RAB27A: variants seen among roughly 807,000 people sequenced by gnomAD.
The protein encoded by RAB27A is RAB27A, member RAS oncogene family.
RAB27A carries 17 observed loss-of-function variants against 20.8 expected under a neutral mutation model. The observed-to-expected ratio is 0.82, with a 90% CI of 0.56 to 1.23. The LOEUF (loss-of-function observed/expected upper bound fraction) is 1.23. Among genes scored for constraint, RAB27A ranks in the 50% most tolerant of loss-of-function variants. The probability of loss-of-function intolerance (pLI) is 0.00; values close to 1 mark genes in which losing one functional copy is unlikely to be tolerated. For synonymous variants in RAB27A, 85 were observed against 92.8 expected (o/e 0.92, Z 0.48); for missense variants, 277 against 266.7 (o/e 1.04, Z -0.27).
chr15:55,246,602 T>C (rs188806830), intron 2 of RAB27A, among the ~76,000 whole-genome samples: 77 of 149,432 alleles, frequency 5.2e-4, no homozygotes, highest in East Asian at 2.4e-3. Flanking sequence ...TCCATAGATA[T>C]AGGGTAATAG....
Position 55,295,537 on chromosome 15 carries a change from CAT to C in RAB27A, c.-112+18500_-112+18501del, listed in dbSNP as rs1313233359. Among the ~76,000 whole-genome samples, 7 of 152,310 alleles carry C rather than the reference CAT, an allele frequency of 4.6e-5. No homozygotes were observed. The East Asian group carries it at 1.4e-3, about 29-fold the overall frequency. ...CATAAAGAGGAATAAAGTATTGATA[CAT>C]GTTACAACGTGGATGAACTTCAAAA... On this transcript the variant is annotated intron_variant, in intron 2 of 5. Coordinates refer to the RAB27A transcript ENST00000563262.
chr15:55,270,654 G>A (rs1314184543), intron 1 of RAB27A: 1 of 152,132 alleles, frequency 6.6e-6, no homozygotes, highest in Non-Finnish European at 1.5e-5. Flanking sequence ...GGCCCTTAAA[G>A]GTTATATTCA....
At chr15:55,293,012 G>A (rs111286451), upstream of RAB27A, among the ~76,000 whole-genome samples, 25 of 152,236 alleles carry the variant, frequency 1.6e-4, no homozygotes, top group African/African-American at 4.1e-4. Flanking sequence ...AACACATCTC[G>A]TGTGTCAGTT....
rs1308691707 is a variant in RAB27A, at chr15:55,205,488, A to G, written c.*19T>C. 1 of 1,609,944 alleles carries G rather than the reference A, an allele frequency of 6.2e-7. No individual in the cohort carries two copies. Among genetic ancestry groups the G allele is most frequent in the East Asian group, 2.2e-5 (1 of 44,854 alleles). On this transcript the variant is annotated 3_prime_UTR_variant, in exon 7 of 7. Coordinates refer to ENST00000336787, the MANE Select transcript of RAB27A (RefSeq NM_183235.3). ...CCAGGCATGGGCCACCTGAACTACTATGTCGCTTACTTGACTTCTCAACAG... is the reference window on the plus strand; with the variant it reads ...CCAGGCATGGGCCACCTGAACTACTGTGTCGCTTACTTGACTTCTCAACAG...
At chr15:55,308,090 C>T (rs1173506164) in intron 2 of RAB27A, among the ~76,000 whole-genome samples, 1 of 152,090 alleles carries the variant, frequency 6.6e-6, no homozygotes, top group East Asian at 1.9e-4. Flanking sequence ...AGGGGATTAC[C>T]CCATACTACG....
At chr15:55,295,955 G>A (rs117457472) in intron 2 of RAB27A, among the ~76,000 whole-genome samples, 7,059 of 150,300 alleles carry the variant, frequency 0.047, 241 homozygotes, top group Non-Finnish European at 0.067. Flanking sequence ...AGAGTGCAGC[G>A]GTGTGACCTC....
chr15:55,214,272 TA>T (rs1164795479), intron 6 of RAB27A, among the ~76,000 whole-genome samples: 1 of 152,156 alleles, frequency 6.6e-6, no homozygotes. Context: ...CCGTCTCTAC[TA>T]AAAATACAAA....
At chr15:55,303,079 A>G (rs1595755639) in intron 2 of RAB27A, among the ~76,000 whole-genome samples, 2 of 115,498 alleles carry the variant, frequency 1.7e-5, no homozygotes, top group East Asian at 3.0e-4. Flanking sequence ...TCCGGGAGGG[A>G]GGTGGGGGGG....
chr15:55,296,236 G>C (rs532300071), intron 2 of RAB27A, among the ~76,000 whole-genome samples: 1 of 151,158 alleles, frequency 6.6e-6, no homozygotes, highest in East Asian at 2.0e-4. Flanking sequence ...GCCTGACGCG[G>C]TGGCTCACAC....
chr15:55,299,746 C>A (rs1375060561), intron 2 of RAB27A, among the ~76,000 whole-genome samples: 3 of 151,866 alleles, frequency 2.0e-5, no homozygotes, highest in Non-Finnish European at 4.4e-5. Context: ...TTCTAAAGGA[C>A]ATTAATGGGA....
At chr15:55,285,311 C>CA (rs34110185) in intron 1 of RAB27A, among the ~76,000 whole-genome samples, 11,675 of 95,792 alleles carry the variant, frequency 0.12, 528 homozygotes, top group East Asian at 0.2. Flanking sequence ...AACAAACAAC[C>CA]AAAAAAAAAA....
chr15:55,241,990 CCT>C (rs140483104), intron 2 of RAB27A, among the ~76,000 whole-genome samples: 62 of 149,072 alleles, frequency 4.2e-4, no homozygotes, highest in Admixed American at 6.0e-4. Context: ...TCTATTTCTC[CCT>C]CTCTCTCTCT....
At chr15:55,276,016 G>A (rs1022593935) in intron 1 of RAB27A, among the ~76,000 whole-genome samples, 1 of 151,282 alleles carries the variant, frequency 6.6e-6, no homozygotes, top group Non-Finnish European at 1.5e-5. Context: ...AATTGGTACA[G>A]CCACTATGGA....
At chr15:55,290,480 GTC>G (rs1030066092), upstream of RAB27A, 1 of 152,272 alleles carries the variant, frequency 6.6e-6, no homozygotes, top group African/African-American at 2.4e-5. Flanking sequence ...GGCAAACGGA[GTC>G]TCTGCTCACA....
intron 6 of RAB27A, among the ~76,000 whole-genome samples, chr15:55,208,411 T>C (rs28673043): frequency 0.11 from 16,941 of 152,220 alleles, 977 homozygotes; most frequent in South Asian, 0.16. Flanking sequence ...TAATGCATAA[T>C]GAACACAGAA....
At chr15:55,318,130 C>T (rs1303303704) in intron 1 of RAB27A, among the ~76,000 whole-genome samples, 5 of 147,500 alleles carry the variant, frequency 3.4e-5, no homozygotes, top group Non-Finnish European at 6.0e-5. Context: ...CGGAGTCTCG[C>T]TCTGTCGCCC....
intron 2 of RAB27A, among the ~76,000 whole-genome samples, chr15:55,246,946 T>C (rs1249465606): frequency 6.6e-6 from 1 of 151,816 alleles, no homozygotes; most frequent in Non-Finnish European, 1.5e-5. Flanking sequence ...AATAATAGTA[T>C]ACCACCTCCT....
At chr15:55,229,781 G>C (rs1895961116) in intron 4 of RAB27A, among the ~76,000 whole-genome samples, 1 of 152,184 alleles carries the variant, frequency 6.6e-6, no homozygotes, top group African/African-American at 2.4e-5. Flanking sequence ...GGGGTGGGGT[G>C]AGAAGAGGTA....
intron 2 of RAB27A, among the ~76,000 whole-genome samples, chr15:55,241,083 T>C (rs1015224797): frequency 6.6e-6 from 1 of 152,206 alleles, no homozygotes; most frequent in African/African-American, 2.4e-5. Flanking sequence ...TCCAGCAATC[T>C]GGCTTCCAAG....
Sources: gnomAD v4.1 joint callset for allele counts (sites outside exome capture counted in the v4.1 genomes callset) on GRCh38, gnomAD v4.1.1 for gene constraint, MANE v1.5 for transcripts, NCBI Gene and HGNC (gene_info 2026-07-23, HGNC 2026-07-21) for gene names.